The following EXT1 variants were observed in gnomAD, a reference collection of about 807,000 sequenced individuals.
EXT1 encodes the protein exostosin glycosyltransferase 1.
A neutral mutation model predicts 82.5 loss-of-function variants in EXT1; 20 were observed. That is an observed-to-expected ratio of 0.24 (90% CI 0.17 to 0.35). The LOEUF is 0.35. EXT1 is among the 10% of genes least tolerant of loss of function. The probability of loss-of-function intolerance (pLI) is 1.00; values close to 1 mark genes in which losing one functional copy is unlikely to be tolerated. For synonymous variants in EXT1, 348 were observed against 350.8 expected (o/e 0.99, Z 0.09); for missense variants, 757 against 936.5 (o/e 0.81, Z 2.50).
intron 1 of EXT1, among the ~76,000 whole-genome samples, chr8:117,987,208 A>G (rs1815340854): frequency 6.6e-6 from 1 of 152,216 alleles, no homozygotes; most frequent in African/African-American, 2.4e-5. Flanking sequence ...GGAATGATTG[A>G]TTTTTATCTT....
chr8:118,091,731 C>A (rs1425759648), intron 1 of EXT1, among the ~76,000 whole-genome samples: 3 of 151,806 alleles, frequency 2.0e-5, no homozygotes, highest in African/African-American at 7.3e-5. Context: ...GGCGACAGAG[C>A]GAGACTCCAT....
Position 117,867,964 on chromosome 8 carries a change from C to T in EXT1, c.963-30763G>A, listed in dbSNP as rs191234093. On this transcript the variant is annotated intron_variant, in intron 1 of 10. Transcript: ENST00000378204. ...GCTCAATATTGAGGGCTTCAGCACA[C>T]GACTAATGCCATAAGCACTTTTAAT... Among the ~76,000 whole-genome samples, 23 of 152,286 alleles carry T rather than the reference C, an allele frequency of 1.5e-4. No individual in the cohort carries two copies. The East Asian group carries it at 3.7e-3, about 24-fold the overall frequency.
intron 4 of EXT1, among the ~76,000 whole-genome samples, chr8:117,823,225 A>G (rs139343472): frequency 1.1e-3 from 168 of 152,308 alleles, no homozygotes; most frequent in African/African-American, 3.8e-3. Context: ...AACATCCTAC[A>G]TAATAGGACA....
chr8:117,808,875 T>C (rs1823274078), intron 8 of EXT1, among the ~76,000 whole-genome samples: 3 of 152,092 alleles, frequency 2.0e-5, no homozygotes, highest in African/African-American at 7.2e-5. Flanking sequence ...AGATGGGCAA[T>C]ATCCAGTCAG....
At chr8:117,930,589 C>T (rs1174879673) in intron 1 of EXT1, among the ~76,000 whole-genome samples, 1 of 152,088 alleles carries the variant, frequency 6.6e-6, no homozygotes, top group Non-Finnish European at 1.5e-5. Flanking sequence ...AAGTGTCCAT[C>T]AAGTTTTAAA....
chr8:117,906,486 G>A (rs1813546638), intron 1 of EXT1, among the ~76,000 whole-genome samples: 1 of 152,096 alleles, frequency 6.6e-6, no homozygotes, highest in Non-Finnish European at 1.5e-5. Context: ...AATCTAAGTT[G>A]CCATCAGTTG....
At chr8:117,850,493 A>G (rs1275639720) in intron 1 of EXT1, among the ~76,000 whole-genome samples, 2 of 150,604 alleles carry the variant, frequency 1.3e-5, no homozygotes, top group Admixed American at 1.3e-4. Flanking sequence ...GTGTGAAAAC[A>G]TAATTGGAAA....
chr8:117,861,965 T>C lies in EXT1; in HGVS notation c.963-24764A>G, dbSNP rs1026738788. Reference sequence around the variant, plus strand: ...AACGGTGAAAACTGATGTTAAACTATAAATTTTAAGCCACGGACATTAGTG... The same window carrying C: ...AACGGTGAAAACTGATGTTAAACTACAAATTTTAAGCCACGGACATTAGTG... On this transcript the variant is annotated intron_variant, in intron 1 of 10. Transcript: ENST00000378204. Among the ~76,000 whole-genome samples the C allele has an allele frequency of 5.5e-5, 8 of 145,842 alleles. 2 individuals carry two copies. The highest frequency in any genetic ancestry group is 1.1e-4 in the Non-Finnish European group (7 of 64,892).
intron 1 of EXT1, among the ~76,000 whole-genome samples, chr8:118,014,857 A>G (rs912568926): frequency 6.6e-6 from 1 of 152,106 alleles, no homozygotes; most frequent in Non-Finnish European, 1.5e-5. Context: ...ACCTTCCCCA[A>G]AGTTAACATT....
chr8:117,861,890 C>A (rs1450557896), intron 1 of EXT1, among the ~76,000 whole-genome samples: 3 of 144,814 alleles, frequency 2.1e-5, no homozygotes, highest in African/African-American at 7.3e-5. Context: ...GAGAGGTAAT[C>A]CCTAAATGAT....
At chr8:117,993,977 CA>C (rs1815486574) in intron 1 of EXT1, among the ~76,000 whole-genome samples, 1 of 152,148 alleles carries the variant, frequency 6.6e-6, no homozygotes, top group Non-Finnish European at 1.5e-5. Context: ...AGAGATGACT[CA>C]AATTAAGATA....
chr8:117,936,692 T>C (rs1423771389), intron 1 of EXT1, among the ~76,000 whole-genome samples: 2 of 152,130 alleles, frequency 1.3e-5, no homozygotes, highest in African/African-American at 2.4e-5. Flanking sequence ...CTGGCCAACA[T>C]AGTGAAACGC....
At chr8:117,984,143 G>A (rs1035793207) in intron 1 of EXT1, among the ~76,000 whole-genome samples, 2 of 152,202 alleles carry the variant, frequency 1.3e-5, no homozygotes, top group African/African-American at 2.4e-5. Context: ...AACTGGCCGA[G>A]CACAGTGGCT....
intron 1 of EXT1, among the ~76,000 whole-genome samples, chr8:118,049,532 G>GC (rs1409903913): frequency 3.9e-5 from 6 of 152,134 alleles, no homozygotes; most frequent in Non-Finnish European, 2.9e-5. Context: ...GACAAGAAAT[G>GC]CCCCATTCAT....
chr8:117,934,273 T>G (rs760014419), intron 1 of EXT1, among the ~76,000 whole-genome samples: 101 of 151,454 alleles, frequency 6.7e-4, no homozygotes, highest in Admixed American at 5.2e-4. Flanking sequence ...AAAAATGGAC[T>G]GTTTCTTGCT....
chr8:118,098,489 G>C (rs899696051), intron 1 of EXT1, among the ~76,000 whole-genome samples: 1 of 151,976 alleles, frequency 6.6e-6, no homozygotes. Context: ...GCAGTGGCTC[G>C]CTCATACCTG....
At chr8:118,030,494 G>GT (rs1816291096) in intron 1 of EXT1, among the ~76,000 whole-genome samples, 1 of 151,880 alleles carries the variant, frequency 6.6e-6, no homozygotes, top group Non-Finnish European at 1.5e-5. Flanking sequence ...TTGTTTGTTT[G>GT]TTTTTTAAAT....
At chr8:118,077,354 G>A (rs1817230760) in intron 1 of EXT1, among the ~76,000 whole-genome samples, 1 of 152,160 alleles carries the variant, frequency 6.6e-6, no homozygotes, top group Non-Finnish European at 1.5e-5. Context: ...ACCAAAGGAG[G>A]ACTCAATGTA....
chr8:117,911,034 C>T (rs1475235479), intron 1 of EXT1, among the ~76,000 whole-genome samples: 1 of 152,210 alleles, frequency 6.6e-6, no homozygotes, highest in Non-Finnish European at 1.5e-5. Flanking sequence ...TTTCTGACTG[C>T]AAGACTCACT....
Sources: gnomAD v4.1 joint callset for allele counts (sites outside exome capture counted in the v4.1 genomes callset) on GRCh38, gnomAD v4.1.1 for gene constraint, MANE v1.5 for transcripts, NCBI Gene and HGNC (gene_info 2026-07-23, HGNC 2026-07-21) for gene names.